The following DLG2 variants were observed in gnomAD, a reference collection of about 807,000 sequenced individuals.
DLG2 encodes disks large homolog 2.
Under a neutral mutation model 132.5 loss-of-function variants are expected in DLG2, and 45 were observed. The ratio of observed to expected loss-of-function variants is 0.34; its 90% CI spans 0.27 to 0.44. The LOEUF is 0.44. Among genes scored for constraint, DLG2 ranks in the 20% least tolerant of loss-of-function variants. The pLI, the probability that DLG2 is intolerant of heterozygous loss-of-function variation, is 1.00. For synonymous variants in DLG2, 424 were observed against 419.6 expected (o/e 1.01, Z -0.13); for missense variants, 1,045 against 1,196.9 (o/e 0.87, Z 1.87).
intron 7 of DLG2, among the ~76,000 whole-genome samples, chr11:84,513,452 G>A (rs2099263057): frequency 6.6e-6 from 1 of 152,080 alleles, no homozygotes; most frequent in Non-Finnish European, 1.5e-5. Context: ...CAGGGCTATT[G>A]TAACCAAAAA....
intron 6 of DLG2, among the ~76,000 whole-genome samples, chr11:84,803,620 C>A (rs2075674491): frequency 6.6e-6 from 1 of 152,136 alleles, no homozygotes. Context: ...AACTATGATT[C>A]CAATAGAAAG....
chr11:85,536,652 G>A (rs1232233431), intron 3 of DLG2, among the ~76,000 whole-genome samples: 1 of 152,248 alleles, frequency 6.6e-6, no homozygotes, highest in Non-Finnish European at 1.5e-5. Context: ...GGGGCTGCGT[G>A]CGGTGCTCAC....
intron 5 of DLG2, among the ~76,000 whole-genome samples, chr11:85,129,386 T>C (rs189514033): frequency 3.5e-4 from 53 of 152,304 alleles, no homozygotes; most frequent in African/African-American, 1.2e-3. Context: ...TGGGGTAAGA[T>C]CTAAGGTGGG....
chr11:84,041,213 G>T (rs141108544), intron 11 of DLG2, among the ~76,000 whole-genome samples: 524 of 152,058 alleles, frequency 3.4e-3, no homozygotes, highest in South Asian at 8.1e-3. Flanking sequence ...TTGTCATTTA[G>T]ATTTTTTTGG....
chr11:84,833,508 C>T (rs1328902003), intron 6 of DLG2, among the ~76,000 whole-genome samples: 1 of 151,478 alleles, frequency 6.6e-6, no homozygotes, highest in Non-Finnish European at 1.5e-5. Context: ...GTGACTTAGA[C>T]CACACTGGGT....
intron 4 of DLG2, among the ~76,000 whole-genome samples, chr11:85,224,945 A>G (rs1458827577): frequency 2.0e-5 from 3 of 152,192 alleles, no homozygotes; most frequent in Non-Finnish European, 4.4e-5. Flanking sequence ...TTTATTTTAT[A>G]AGTTTTCAAC....
At chr11:84,785,871 T>TA in intron 6 of DLG2, among the ~76,000 whole-genome samples, 1 of 152,256 alleles carries the variant, frequency 6.6e-6, no homozygotes, top group South Asian at 2.1e-4. Context: ...GTGGATAGGT[T>TA]AATTGCTTTC....
intron 4 of DLG2, among the ~76,000 whole-genome samples, chr11:85,155,209 T>C (rs188621427): frequency 7.5e-4 from 115 of 152,332 alleles, no homozygotes; most frequent in African/African-American, 2.7e-3. Flanking sequence ...ATATGACCCA[T>C]TGAATATGAC....
chr11:84,012,593 C>T (rs2094946980), intron 11 of DLG2, among the ~76,000 whole-genome samples: 1 of 152,114 alleles, frequency 6.6e-6, no homozygotes. Flanking sequence ...CTTGTTTCTG[C>T]TTTACTGTCA....
chr11:85,004,028 T>G (rs1164450343), intron 6 of DLG2, among the ~76,000 whole-genome samples: 1 of 152,222 alleles, frequency 6.6e-6, no homozygotes, highest in South Asian at 2.1e-4. Context: ...GCTTCATCCA[T>G]GTCCCTGCAA....
chr11:84,378,656 C>T (rs369448367), intron 7 of DLG2, among the ~76,000 whole-genome samples: 4 of 151,762 alleles, frequency 2.6e-5, no homozygotes, highest in East Asian at 1.9e-4. Flanking sequence ...TCAGGCCAGG[C>T]GCGGTGGCTC....
intron 7 of DLG2, among the ~76,000 whole-genome samples, chr11:84,267,407 A>G (rs1472283538): frequency 6.6e-6 from 1 of 152,204 alleles, no homozygotes; most frequent in Non-Finnish European, 1.5e-5. Context: ...TTTGAAGACC[A>G]CTGTCCTCAG....
chr11:83,710,935 A>T (rs1031746383), intron 18 of DLG2, among the ~76,000 whole-genome samples: 2 of 152,206 alleles, frequency 1.3e-5, no homozygotes, highest in Admixed American at 6.5e-5. Context: ...ATTTTCATGG[A>T]GCACTAACTG....
chr11:84,566,870 T>A (rs1020792906), intron 6 of DLG2, among the ~76,000 whole-genome samples: 7 of 152,192 alleles, frequency 4.6e-5, no homozygotes, highest in African/African-American at 1.7e-4. Context: ...GTCTGCAGAA[T>A]GAAGAGGGTC....
intron 9 of DLG2, among the ~76,000 whole-genome samples, chr11:84,132,335 A>G (rs2094450825): frequency 6.6e-6 from 1 of 152,020 alleles, no homozygotes; most frequent in Non-Finnish European, 1.5e-5. Context: ...TTAAGCTTGT[A>G]GTTGGAGAAT....
At chr11:83,799,659 A>G (rs1487321481) in intron 17 of DLG2, among the ~76,000 whole-genome samples, 3 of 152,200 alleles carry the variant, frequency 2.0e-5, no homozygotes, top group Non-Finnish European at 4.4e-5. Flanking sequence ...GAAGGTGTCA[A>G]AAAGCTTTAG....
At position 84,038,237 on chromosome 11, in the gene DLG2, C is replaced by T. The variant is rs975329252; in HGVS notation, c.919+21078G>A. 3.3e-5 allele frequency among the ~76,000 whole-genome samples: 5 copies of T among 150,760 alleles called. No individual in the cohort carries two copies. In the Admixed American group the frequency reaches 3.3e-4, roughly 10 times the overall value. ...TCTACAGAATGAGAGAAAATTCTCT[C>T]AAAATATGCATCTAACAAAGGTCTA... On this transcript the variant is annotated intron_variant, in intron 11 of 27. Coordinates refer to ENST00000376104, the MANE Select transcript of DLG2 (RefSeq NM_001142699.3).
chr11:84,966,124 G>C (rs1309827761), intron 6 of DLG2, among the ~76,000 whole-genome samples: 1 of 151,768 alleles, frequency 6.6e-6, no homozygotes, highest in African/African-American at 2.4e-5. Flanking sequence ...CAAGAGTAAA[G>C]GTTACTCTTC....
chr11:84,173,078 G>C (rs577532036), intron 8 of DLG2, among the ~76,000 whole-genome samples: 177 of 152,172 alleles, frequency 1.2e-3, no homozygotes, highest in Non-Finnish European at 1.9e-3. Flanking sequence ...GTTCTTATAT[G>C]CATAAAATAA....
Sources: gnomAD v4.1 joint callset for allele counts (sites outside exome capture counted in the v4.1 genomes callset) on GRCh38, gnomAD v4.1.1 for gene constraint, MANE v1.5 for transcripts, NCBI Gene and HGNC (gene_info 2026-07-23, HGNC 2026-07-21) for gene names.